Variants in L3MBTL4 observed in about 807,000 individuals in gnomAD.
The protein encoded by L3MBTL4 is lethal(3)malignant brain tumor-like protein 4.
A neutral mutation model predicts 84.5 loss-of-function variants in L3MBTL4; 70 were observed. That is an observed-to-expected ratio of 0.83 (90% CI 0.68 to 1.01). The LOEUF is 1.01. L3MBTL4 is among the 50% of genes least tolerant of loss of function. The pLI, the probability that L3MBTL4 is intolerant of heterozygous loss-of-function variation, is 0.00. For synonymous variants in L3MBTL4, 274 were observed against 259.8 expected (o/e 1.05, Z -0.52); for missense variants, 715 against 754.8 (o/e 0.95, Z 0.62).
intron 12 of L3MBTL4, among the ~76,000 whole-genome samples, chr18:6,193,020 T>C (rs954738531): frequency 1.3e-5 from 2 of 150,834 alleles, no homozygotes; most frequent in Non-Finnish European, 3.0e-5. Context: ...ATTGACGGAG[T>C]TGGGATATTC....
intron 5 of L3MBTL4, 21 bp downstream of exon 5, chr18:6,263,926 A>G (rs781582404): frequency 4.8e-5 from 75 of 1,572,130 alleles, no homozygotes; most frequent in Non-Finnish European, 6.1e-5. Flanking sequence ...TTGCAAAAAT[A>G]TAAGTCCTTC....
At chr18:6,323,308 T>C (rs554823716) in intron 1 of L3MBTL4, among the ~76,000 whole-genome samples, 1 of 152,272 alleles carries the variant, frequency 6.6e-6, no homozygotes, top group African/African-American at 2.4e-5. Context: ...TGGAAACAGC[T>C]TTGGAACTGG....
chr18:6,385,864 A>C (rs145705666), intron 1 of L3MBTL4, among the ~76,000 whole-genome samples: 12 of 152,214 alleles, frequency 7.9e-5, no homozygotes, highest in Non-Finnish European at 1.8e-4. Flanking sequence ...GAAACACCAA[A>C]ATCTCCCTCA....
chr18:6,348,859 A>T (rs943188130), intron 1 of L3MBTL4, among the ~76,000 whole-genome samples: 1 of 152,226 alleles, frequency 6.6e-6, no homozygotes, highest in African/African-American at 2.4e-5. Context: ...ATTGACGATG[A>T]TAGCAAATAA....
At chr18:6,096,244 T>C (rs1309705437) in intron 14 of L3MBTL4, among the ~76,000 whole-genome samples, 4 of 152,220 alleles carry the variant, frequency 2.6e-5, no homozygotes, top group Non-Finnish European at 4.4e-5. Flanking sequence ...AGAGATGTTC[T>C]GTTTCCCTCA....
chr18:6,410,349 A>G (rs2055914781), intron 1 of L3MBTL4, among the ~76,000 whole-genome samples: 1 of 152,214 alleles, frequency 6.6e-6, no homozygotes, highest in Admixed American at 6.5e-5. Flanking sequence ...GCTTACTTAA[A>G]GTCTGTACTT....
intron 13 of L3MBTL4, among the ~76,000 whole-genome samples, chr18:6,152,666 G>A (rs568807585): frequency 2.6e-5 from 4 of 152,076 alleles, no homozygotes; most frequent in African/African-American, 7.2e-5. Context: ...ATCAGATGTC[G>A]GGTTTGTATC....
chr18:6,218,449 G>A (rs1280695562), intron 10 of L3MBTL4, among the ~76,000 whole-genome samples: 2 of 152,170 alleles, frequency 1.3e-5, no homozygotes, highest in Admixed American at 6.5e-5. Flanking sequence ...TGGATAGAGC[G>A]AAAGGAAACC....
chr18:6,234,879 A>G (rs1017594705), intron 10 of L3MBTL4, among the ~76,000 whole-genome samples: 3 of 152,178 alleles, frequency 2.0e-5, no homozygotes, highest in African/African-American at 4.8e-5. Context: ...TATGTTTATT[A>G]CGGCACTATT....
intron 3 of L3MBTL4, among the ~76,000 whole-genome samples, chr18:6,305,006 AAAC>A (rs1271988583): frequency 3.3e-5 from 5 of 152,194 alleles, no homozygotes; most frequent in African/African-American, 1.2e-4. Context: ...TTCCACACAA[AAAC>A]AACATTACCT....
intron 16 of L3MBTL4, among the ~76,000 whole-genome samples, chr18:6,026,414 A>C (rs1445375608): frequency 6.6e-6 from 1 of 152,218 alleles, no homozygotes. Context: ...TCCAATTTGT[A>C]ATGACTTTAG....
At chr18:6,298,686 G>A (rs975696719) in intron 4 of L3MBTL4, among the ~76,000 whole-genome samples, 7 of 152,098 alleles carry the variant, frequency 4.6e-5, no homozygotes, top group Admixed American at 1.3e-4. Context: ...CAGCCTGGCC[G>A]ATATGGTGAA....
chr18:6,294,296 G>A (rs980288039), intron 4 of L3MBTL4, among the ~76,000 whole-genome samples: 24 of 152,122 alleles, frequency 1.6e-4, no homozygotes, highest in Non-Finnish European at 7.3e-5. Flanking sequence ...AGAGCACACA[G>A]GGAGATGATG....
At chr18:6,339,102 C>T (rs1036137077) in intron 1 of L3MBTL4, among the ~76,000 whole-genome samples, 3 of 152,124 alleles carry the variant, frequency 2.0e-5, no homozygotes, top group Non-Finnish European at 2.9e-5. Context: ...CAGATCCGCC[C>T]CTTCCGCCGA....
At chr18:6,082,833 A>G (rs1393135641) in intron 15 of L3MBTL4, among the ~76,000 whole-genome samples, 2 of 152,308 alleles carry the variant, frequency 1.3e-5, no homozygotes, top group Non-Finnish European at 2.9e-5. Flanking sequence ...TGATTACATC[A>G]GTAGAGAGAT....
At chr18:6,102,642 A>G (rs1291299841) in intron 14 of L3MBTL4, among the ~76,000 whole-genome samples, 2 of 152,166 alleles carry the variant, frequency 1.3e-5, no homozygotes, top group African/African-American at 4.8e-5. Flanking sequence ...GAAAATATTC[A>G]CAAATTTGAA....
At chr18:6,163,699 G>T (rs564602860) in intron 13 of L3MBTL4, among the ~76,000 whole-genome samples, 126 of 152,246 alleles carry the variant, frequency 8.3e-4, no homozygotes, top group Admixed American at 2.5e-3. Flanking sequence ...GAATTAGAGG[G>T]TGAAGCCAAG....
intron 16 of L3MBTL4, among the ~76,000 whole-genome samples, chr18:6,014,875 A>G (rs1222274476): frequency 1.3e-5 from 2 of 152,156 alleles, no homozygotes; most frequent in Non-Finnish European, 2.9e-5. Flanking sequence ...ACACAGGGCA[A>G]TGGTGGAAAC....
In L3MBTL4 at chr18:6,414,385, C is replaced by G. The variant is rs2056103272; in HGVS notation, c.-91+416G>C. On this transcript the variant is annotated intron_variant, in intron 1 of 18. Coordinates refer to ENST00000317931, the MANE Select transcript of L3MBTL4 (RefSeq NM_001330559.2). The surrounding 1 kb of genome is among the most constrained non-coding windows in gnomAD (Gnocchi z 5.4). ...TGCCCACCGCCGGGCGCTCGATGGCCGGAGGACTGCCTGGGGGCCCTCAGG... is the reference window on the plus strand; with the variant it reads ...TGCCCACCGCCGGGCGCTCGATGGCGGGAGGACTGCCTGGGGGCCCTCAGG... 6.6e-6 allele frequency among the ~76,000 whole-genome samples: 1 copy of G among 152,114 alleles called. No homozygotes were observed. The highest frequency in any genetic ancestry group is 2.4e-5 in the African/African-American group (1 of 41,438).
Sources: allele counts gnomAD v4.1 joint callset (sites outside exome capture counted in the v4.1 genomes callset), GRCh38; gene constraint gnomAD v4.1.1; non-coding constraint Gnocchi (gnomAD v3.1); transcripts MANE v1.5; gene names NCBI Gene and HGNC (gene_info 2026-07-23, HGNC 2026-07-21).